The following IGSF11 variants were observed in gnomAD, a reference collection of about 807,000 sequenced individuals.
The protein encoded by IGSF11 is immunoglobulin superfamily member 11, also known as CXADR like 1.
A neutral mutation model predicts 41.0 loss-of-function variants in IGSF11; 22 were observed. The observed-to-expected ratio is 0.54, with a 90% CI of 0.38 to 0.77. The LOEUF is 0.77. IGSF11 is among the 30% of genes least tolerant of loss of function. IGSF11 has a pLI of 0.00. For missense variants in IGSF11, 444 were observed against 530.8 expected (o/e 0.84, Z 1.61); for synonymous variants, 219 against 201.3 (o/e 1.09, Z -0.74).
rs1014858485 is a variant in IGSF11 at position 118,942,076 on chromosome 3, G to A, written c.53-11801C>T. Among the ~76,000 whole-genome samples the A allele has an allele frequency of 3.3e-5, 5 of 152,234 alleles. 1 individual carries two copies. The highest frequency in any genetic ancestry group is 1.9e-4 in the East Asian group (1 of 5,178). ...GGTTATGGTAGTGAACACAAGACGA[G>A]ACATTTGTCAAAACATAGCAAACTA... On this transcript the variant is annotated intron_variant, in intron 1 of 6. Transcript: ENST00000393775.
At chr3:118,937,268 T>C (rs1173831495) in intron 1 of IGSF11, among the ~76,000 whole-genome samples, 2 of 152,154 alleles carry the variant, frequency 1.3e-5, no homozygotes, top group Non-Finnish European at 2.9e-5. Context: ...GTAATACAAA[T>C]TTATATAACC....
chr3:119,120,730 C>A (rs956485407), intron 1 of IGSF11, among the ~76,000 whole-genome samples: 2 of 152,144 alleles, frequency 1.3e-5, no homozygotes, highest in Non-Finnish European at 2.9e-5. Context: ...CTGAAGGTTG[C>A]CATGACACCA....
At chr3:119,076,566 A>G (rs1341357331) in intron 1 of IGSF11, among the ~76,000 whole-genome samples, 1 of 152,062 alleles carries the variant, frequency 6.6e-6, no homozygotes, top group Non-Finnish European at 1.5e-5. Context: ...AATTTACAAG[A>G]AAAAAACAAA....
intron 1 of IGSF11, among the ~76,000 whole-genome samples, chr3:119,028,514 T>G (rs978512696): frequency 6.6e-6 from 1 of 152,176 alleles, no homozygotes; most frequent in African/African-American, 2.4e-5. Context: ...ATGAAAATGG[T>G]AAACTTCAAG....
chr3:119,117,219 T>C (rs1054130331), intron 1 of IGSF11, among the ~76,000 whole-genome samples: 3 of 151,444 alleles, frequency 2.0e-5, no homozygotes, highest in Admixed American at 2.0e-4. Context: ...AACTACTCAA[T>C]CTTGGTAAGA....
intron 1 of IGSF11, among the ~76,000 whole-genome samples, chr3:118,967,500 T>C (rs1406066581): frequency 1.3e-5 from 2 of 152,178 alleles, no homozygotes; most frequent in African/African-American, 4.8e-5. Flanking sequence ...GCATTTCTAA[T>C]GGAGCTGCCT....
intron 1 of IGSF11, among the ~76,000 whole-genome samples, chr3:119,132,251 A>G (rs1461769799): frequency 6.6e-6 from 1 of 152,068 alleles, no homozygotes; most frequent in Non-Finnish European, 1.5e-5. Flanking sequence ...AAAGACACAG[A>G]CTGGCAAATT....
At chr3:118,979,442 CT>C (rs1394958659) in intron 1 of IGSF11, among the ~76,000 whole-genome samples, 1 of 152,018 alleles carries the variant, frequency 6.6e-6, no homozygotes, top group African/African-American at 2.4e-5. Flanking sequence ...AACAATATAC[CT>C]CGTTAATACA....
intron 1 of IGSF11, among the ~76,000 whole-genome samples, chr3:119,008,697 T>C (rs1382109897): frequency 6.6e-6 from 1 of 152,354 alleles, no homozygotes; most frequent in East Asian, 1.9e-4. Flanking sequence ...TGAGGGTTAA[T>C]GTGCCAACTT....
upstream of IGSF11, chr3:119,034,864 G>C (rs949440149): frequency 1.7e-6 from 2 of 1,205,890 alleles, no homozygotes; most frequent in Non-Finnish European, 2.1e-6. Context: ...CCCTCGCGCA[G>C]TCCGGGGAGC....
chr3:118,961,515 T>C (rs1430536899), intron 1 of IGSF11, among the ~76,000 whole-genome samples: 1 of 152,182 alleles, frequency 6.6e-6, no homozygotes, highest in Non-Finnish European at 1.5e-5. Context: ...AAGAAAAGTC[T>C]CAAAATAAAT....
chr3:119,092,788 T>C (rs1441631207), intron 1 of IGSF11, among the ~76,000 whole-genome samples: 2 of 152,194 alleles, frequency 1.3e-5, no homozygotes, highest in Non-Finnish European at 2.9e-5. Flanking sequence ...TTTTCATCTT[T>C]ATACCATATT....
At chr3:119,140,196 A>T (rs966615532) in intron 1 of IGSF11, among the ~76,000 whole-genome samples, 2 of 152,148 alleles carry the variant, frequency 1.3e-5, no homozygotes, top group African/African-American at 4.8e-5. Context: ...CCCCAAAAAA[A>T]CCAACTATAC....
At chr3:118,939,647 T>C (rs189386299) in intron 1 of IGSF11, among the ~76,000 whole-genome samples, 3 of 152,182 alleles carry the variant, frequency 2.0e-5, no homozygotes, top group Admixed American at 2.0e-4. Flanking sequence ...AGAAAATATT[T>C]TTAATTATGT....
intron 1 of IGSF11, among the ~76,000 whole-genome samples, chr3:119,057,498 C>T (rs1576743682): frequency 1.3e-5 from 2 of 152,188 alleles, no homozygotes; most frequent in Admixed American, 1.3e-4. Context: ...GAAGAACATT[C>T]CATGCTCATG....
intron 1 of IGSF11, among the ~76,000 whole-genome samples, chr3:119,123,196 G>A (rs1382501521): frequency 6.6e-6 from 1 of 152,180 alleles, no homozygotes; most frequent in Admixed American, 6.5e-5. Flanking sequence ...GTGAACACTG[G>A]TGGATGCCTG....
At position 119,091,858 on chromosome 3, in the gene IGSF11, AT is replaced by A. The variant is rs57180680; in HGVS notation, c.49+13285del. Reference sequence around the variant, plus strand: ...CCCCTGTATGTAAAATAAATATTGAATTTTTTTTTAAATAGGAAAATAAAAA... The same window carrying A: ...CCCCTGTATGTAAAATAAATATTGAATTTTTTTTAAATAGGAAAATAAAAA... On this transcript the variant is annotated intron_variant, in intron 1 of 6. Transcript: ENST00000354673. Among the ~76,000 whole-genome samples the A allele has an allele frequency of 8.4e-3, 1,278 of 151,528 alleles. 17 individuals are homozygous for A. Among genetic ancestry groups the A allele is most frequent in the African/African-American group, 0.015 (628 of 41,282 alleles).
chr3:119,012,892 T>A (rs1460233488), intron 1 of IGSF11: 2 of 152,264 alleles, frequency 1.3e-5, no homozygotes, highest in Non-Finnish European at 2.9e-5. Flanking sequence ...AAGTTATTCC[T>A]CTATTTAAAA....
intron 1 of IGSF11, among the ~76,000 whole-genome samples, chr3:119,145,526 C>T (rs1284509806): frequency 6.6e-6 from 1 of 152,232 alleles, no homozygotes; most frequent in Non-Finnish European, 1.5e-5. Flanking sequence ...GATTTGGCCT[C>T]CTTCTAACTC....
Sources: gnomAD v4.1 joint callset for allele counts (sites outside exome capture counted in the v4.1 genomes callset) on GRCh38, gnomAD v4.1.1 for gene constraint, MANE v1.5 for transcripts, NCBI Gene and HGNC (gene_info 2026-07-23, HGNC 2026-07-21) for gene names.